Variants in FAM117B observed in about 807,000 individuals in gnomAD.
FAM117B encodes protein FAM117B.
In FAM117B, 22 loss-of-function variants were observed where a neutral mutation model predicts 52.8. That is an observed-to-expected ratio of 0.42 (90% CI 0.30 to 0.59). The LOEUF (loss-of-function observed/expected upper bound fraction) is 0.59. Ranked by LOEUF, FAM117B falls within the 20% of genes least tolerant of loss-of-function variation. FAM117B has a pLI of 0.22. For missense variants in FAM117B, 678 were observed against 802.6 expected (o/e 0.84, Z 1.88); for synonymous variants, 309 against 324.1 (o/e 0.95, Z 0.50).
intron 1 of FAM117B, among the ~76,000 whole-genome samples, chr2:202,646,848 A>C (rs12466268): frequency 0.22 from 33,821 of 152,008 alleles, 4,063 homozygotes; most frequent in South Asian, 0.38. Context: ...ACCTTGTTTA[A>C]GTGATAACAA....
chr2:202,674,187 T>G (rs1160375243), intron 1 of FAM117B, among the ~76,000 whole-genome samples: 1 of 152,244 alleles, frequency 6.6e-6, no homozygotes, highest in Non-Finnish European at 1.5e-5. Flanking sequence ...AAATCCATAC[T>G]AATGTATAAA....
chr2:202,722,474 T>G (rs918452472), intron 2 of FAM117B, among the ~76,000 whole-genome samples: 5 of 152,186 alleles, frequency 3.3e-5, no homozygotes, highest in African/African-American at 1.2e-4. Context: ...ATATACACCA[T>G]GGACTACTGT....
Position 202,766,061 on chromosome 2 carries a change from AACACACACACACAC to A in FAM117B, c.*330_*343del, listed in dbSNP as rs34556556. 44 of 203,092 alleles carry A rather than the reference AACACACACACACAC, an allele frequency of 2.2e-4. No homozygotes were observed. The highest frequency in any genetic ancestry group is 4.9e-4 in the Admixed American group (8 of 16,364). The allele number at this position is 203,092 out of a possible 1,614,324, so 12.6% of individuals were successfully genotyped here. ...TTGTTTTCGAATTAGACTTCTTTAA[AACACACACACACAC>A]ACACACACACACACACACACACACA... On this transcript the variant is annotated 3_prime_UTR_variant, in exon 8 of 8. Coordinates refer to ENST00000392238, the MANE Select transcript of FAM117B (RefSeq NM_173511.4).
chr2:202,659,604 C>CTTTTTTTTTTTTTT, intron 1 of FAM117B, among the ~76,000 whole-genome samples: 1 of 62,286 alleles, frequency 1.6e-5, no homozygotes, highest in Non-Finnish European at 3.0e-5. Flanking sequence ...AGCCACCGTG[C>CTTTTTTTTTTTTTT]TTTTTTTTTT....
intron 1 of FAM117B, among the ~76,000 whole-genome samples, chr2:202,637,351 G>C (rs772007544): frequency 6.6e-6 from 1 of 151,662 alleles, no homozygotes; most frequent in Non-Finnish European, 1.5e-5. Flanking sequence ...ATGGTCTCCT[G>C]GGTTCAAGCG....
At chr2:202,717,607 T>C (rs551105370) in intron 2 of FAM117B, among the ~76,000 whole-genome samples, 1 of 152,306 alleles carries the variant, frequency 6.6e-6, no homozygotes, top group African/African-American at 2.4e-5. Flanking sequence ...AGAAGAATTA[T>C]CTGGATTACA....
At position 202,766,951 on chromosome 2, in the gene FAM117B, T is replaced by G. The variant is rs1263579619; in HGVS notation, c.*1187T>G. 6.6e-6 allele frequency: 1 copy of G among 152,578 alleles called. No homozygotes were observed. Among genetic ancestry groups the G allele is most frequent in the Admixed American group, 6.6e-5 (1 of 15,264 alleles). 9.5% of individuals were successfully genotyped at this position (152,578 alleles called of 1,614,324 possible). On this transcript the variant is annotated 3_prime_UTR_variant, in exon 8 of 8. Coordinates refer to ENST00000392238, the MANE Select transcript of FAM117B (RefSeq NM_173511.4). ...TGTGGTGGTGGTTGGCCCTGAGATT[T>G]GTTGCCTACAGATTTTGCTAATTTA...
Position 202,721,383 on chromosome 2 carries a change from TC to T in FAM117B, c.754-3533del, listed in dbSNP as rs527816684. On this transcript the variant is annotated intron_variant, in intron 2 of 7. Transcript: ENST00000392238. ...AAAAAACTATTTTCATAAAACTTAT[TC>T]TGTTTCTATCCTCTGTTTTACATGA... Among the ~76,000 whole-genome samples the T allele has an allele frequency of 4.7e-3, 718 of 152,314 alleles. 7 individuals are homozygous for T. Among genetic ancestry groups the T allele is most frequent in the African/African-American group, 0.016 (683 of 41,568 alleles).
chr2:202,691,702 C>CGT (rs1690632186), intron 1 of FAM117B, among the ~76,000 whole-genome samples: 3 of 119,902 alleles, frequency 2.5e-5, no homozygotes, highest in East Asian at 2.0e-4. Flanking sequence ...TGTGTGTGCG[C>CGT]GCGCGCCTCC....
At position 202,769,563 on chromosome 2, in the gene FAM117B, G is replaced by T. The variant is rs1033471476; in HGVS notation, c.*3799G>T. ...TTTTAACTCTTCATTTTTTGTCTCTGTGGAAGCTGTGTAACTCTTTTTAAA... is the reference window on the plus strand; with the variant it reads ...TTTTAACTCTTCATTTTTTGTCTCTTTGGAAGCTGTGTAACTCTTTTTAAA... On this transcript the variant is annotated 3_prime_UTR_variant, in exon 8 of 8. Transcript: ENST00000392238. 1.3e-5 allele frequency: 2 copies of T among 152,472 alleles called. No homozygotes were observed. The highest frequency in any genetic ancestry group is 4.8e-5 in the African/African-American group (2 of 41,418). 9.4% of individuals were successfully genotyped at this position (152,472 alleles called of 1,614,324 possible).
chr2:202,691,034 A>C (rs1346084098), intron 1 of FAM117B, among the ~76,000 whole-genome samples: 1 of 152,182 alleles, frequency 6.6e-6, no homozygotes, highest in Admixed American at 6.5e-5. Context: ...TGTCTGAACA[A>C]ATGGATTAAA....
intron 1 of FAM117B, among the ~76,000 whole-genome samples, chr2:202,642,305 A>G (rs1421308898): frequency 1.4e-5 from 2 of 148,008 alleles, no homozygotes; most frequent in Non-Finnish European, 3.0e-5. Flanking sequence ...AGGCACTCAC[A>G]GTTATTATTA....
intron 1 of FAM117B, among the ~76,000 whole-genome samples, chr2:202,683,070 A>G (rs756098422): frequency 3.9e-5 from 6 of 152,136 alleles, no homozygotes; most frequent in Non-Finnish European, 8.8e-5. Context: ...GCTCATGCCT[A>G]TAATCCTAGC....
intron 1 of FAM117B, among the ~76,000 whole-genome samples, chr2:202,675,088 G>T (rs1483134367): frequency 6.6e-6 from 1 of 151,660 alleles, no homozygotes; most frequent in Non-Finnish European, 1.5e-5. Context: ...TTAAAAATTA[G>T]CCCAGGCATG....
rs958385813 is a variant in FAM117B, at chr2:202,717,598, GA to G, written c.754-7317del. ...CCTTGACAATGTTGATGAAGATCCA[GA>G]AGAATTATCTGGATTACAAGGCAGA... On this transcript the variant is annotated intron_variant, in intron 2 of 7. Transcript: ENST00000392238. Among the ~76,000 whole-genome samples, 6 of 152,330 alleles carry G rather than the reference GA, an allele frequency of 3.9e-5. No homozygotes were observed. The South Asian group carries it at 1.2e-3, about 32-fold the overall frequency.
intron 4 of FAM117B, among the ~76,000 whole-genome samples, chr2:202,745,044 G>A (rs990043546): frequency 1.3e-4 from 15 of 112,044 alleles, no homozygotes; most frequent in Non-Finnish European, 3.2e-4. Context: ...CACTTTGGGA[G>A]GCTGAGGCAG....
At chr2:202,705,073 G>A (rs1485101701) in intron 2 of FAM117B, among the ~76,000 whole-genome samples, 1 of 152,012 alleles carries the variant, frequency 6.6e-6, no homozygotes, top group Non-Finnish European at 1.5e-5. Flanking sequence ...TTGGGAGGCC[G>A]AGGCAGGTGG....
At chr2:202,637,532 C>T (rs1286303251) in intron 1 of FAM117B, among the ~76,000 whole-genome samples, 12 of 152,190 alleles carry the variant, frequency 7.9e-5, no homozygotes, top group Admixed American at 7.9e-4. Flanking sequence ...GCTAGGATTG[C>T]CCAGCCCAGA....
At position 202,685,565 on chromosome 2, in the gene FAM117B, A is replaced by G. The variant is rs1041136817; in HGVS notation, c.602-10316A>G. ...GCCAAAACAATATTGAAAAGGAATA[A>G]TTAAAATTAAAGAACTTACATTGCG... is the stretch of plus-strand genomic sequence containing the variant. On this transcript the variant is annotated intron_variant, in intron 1 of 7. Coordinates refer to ENST00000392238, the MANE Select transcript of FAM117B (RefSeq NM_173511.4). 7.2e-5 allele frequency among the ~76,000 whole-genome samples: 11 copies of G among 152,236 alleles called. 1 individual carries two copies. Among genetic ancestry groups the G allele is most frequent in the Admixed American group, 4.6e-4 (7 of 15,288 alleles).
Sources: allele counts gnomAD v4.1 joint callset (sites outside exome capture counted in the v4.1 genomes callset), GRCh38; gene constraint gnomAD v4.1.1; transcripts MANE v1.5; gene names NCBI Gene and HGNC (gene_info 2026-07-23, HGNC 2026-07-21).